ARHGAP19: variants seen among roughly 807,000 people sequenced by gnomAD.
The protein encoded by ARHGAP19 is rho GTPase-activating protein 19.
ARHGAP19 carries 48 observed loss-of-function variants against 60.9 expected under a neutral mutation model. The ratio of observed to expected loss-of-function variants is 0.79; its 90% CI spans 0.62 to 1.00. The LOEUF is 1.00. ARHGAP19 is among the 50% of genes least tolerant of loss of function. The pLI is 0.00. For missense variants in ARHGAP19, 562 were observed against 597.2 expected (o/e 0.94, Z 0.61); for synonymous variants, 209 against 215.5 (o/e 0.97, Z 0.27).
chr10:97,247,494 C>G (rs549159236), intron 6 of ARHGAP19, among the ~76,000 whole-genome samples: 30 of 152,278 alleles, frequency 2.0e-4, no homozygotes, highest in African/African-American at 7.2e-4. Context: ...CTACTGGTAA[C>G]ATATCCTGAG....
intron 3 of ARHGAP19, 129 bp from the exon 4 acceptor site, chr10:97,263,758 C>CT: frequency 1.2e-6 from 1 of 864,512 alleles, no homozygotes; most frequent in Non-Finnish European, 1.8e-6. Flanking sequence ...AAGTTTTTGC[C>CT]TTTTTTCACC....
intron 9 of ARHGAP19, among the ~76,000 whole-genome samples, chr10:97,233,666 G>A (rs968291902): frequency 2.0e-5 from 3 of 152,070 alleles, no homozygotes; most frequent in African/African-American, 7.2e-5. Flanking sequence ...TCACGAGTTC[G>A]AGACCAGCCT....
chr10:97,281,644 T>C (rs1424503892), intron 1 of ARHGAP19, among the ~76,000 whole-genome samples: 1 of 152,182 alleles, frequency 6.6e-6, no homozygotes, highest in Admixed American at 6.5e-5. Flanking sequence ...AAGGTAAGTC[T>C]CTGGCCTCCA....
Position 97,292,604 on chromosome 10 carries a change from T to C in ARHGAP19, c.24A>G (p.Glu8=). 6.2e-7 allele frequency: 1 copy of C among 1,614,192 alleles called. No individual in the cohort carries two copies. Among genetic ancestry groups the C allele is most frequent in the Non-Finnish European group, 8.5e-7 (1 of 1,180,036 alleles). ...CGGATTCGCGGGCTGGCACCTCCCC[T>C]TCACTCTGTGCCTCAGTCGCCATCT... MATEAQS[E]GEVPARESGR... The change falls in exon 1 of 12, where the codon GAA becomes GAG. Residue 8 remains glutamate, a synonymous_variant. Transcript: ENST00000358531.
At position 97,268,412 on chromosome 10, in the gene ARHGAP19, C is replaced by A. The variant is rs539091581; in HGVS notation, c.57-2287G>T. Reference sequence around the variant, plus strand: ...TTACTCAGTTCAAAAGTCGCTTCCACATTTTCAGGTATCCTTACAGTAGTA... The same window carrying A: ...TTACTCAGTTCAAAAGTCGCTTCCAAATTTTCAGGTATCCTTACAGTAGTA... On this transcript the variant is annotated intron_variant, in intron 1 of 11. Coordinates refer to ENST00000358531, the MANE Select transcript of ARHGAP19 (RefSeq NM_032900.6). Among the ~76,000 whole-genome samples, 107 of 152,344 alleles carry A rather than the reference C, an allele frequency of 7.0e-4. 1 individual carries two copies. The South Asian group carries it at 0.022, about 31-fold the overall frequency.
chr10:97,228,963 C>A, intron 11 of ARHGAP19, 184 bp downstream of exon 11: 3 of 702,730 alleles, frequency 4.3e-6, no homozygotes, highest in Non-Finnish European at 7.8e-6. Context: ...GCACCCAAGA[C>A]AATGCTGAGT....
chr10:97,272,051 C>A (rs1281102103), intron 1 of ARHGAP19, among the ~76,000 whole-genome samples: 1 of 147,704 alleles, frequency 6.8e-6, no homozygotes, highest in Non-Finnish European at 1.5e-5. Context: ...TGAGATTGGT[C>A]TTAAATTTTC....
intron 9 of ARHGAP19, among the ~76,000 whole-genome samples, chr10:97,234,083 A>G (rs1851082641): frequency 6.6e-6 from 1 of 151,976 alleles, no homozygotes; most frequent in Admixed American, 6.6e-5. Flanking sequence ...CCTGGCCGAC[A>G]TGGTGAAACC....
intron 6 of ARHGAP19, among the ~76,000 whole-genome samples, chr10:97,256,057 G>A (rs1842748471): frequency 6.6e-6 from 1 of 152,098 alleles, no homozygotes. Flanking sequence ...TAGCTGCCAC[G>A]TGTGCTGCCT....
At chr10:97,282,166 T>C (rs1368429596) in intron 1 of ARHGAP19, among the ~76,000 whole-genome samples, 9 of 152,142 alleles carry the variant, frequency 5.9e-5, no homozygotes, top group African/African-American at 1.2e-4. Context: ...AACTGAAACA[T>C]TCTATTCCCT....
chr10:97,289,852 TA>T (rs11304186), intron 1 of ARHGAP19, among the ~76,000 whole-genome samples: 16,249 of 124,084 alleles, frequency 0.13, 1,100 homozygotes, highest in African/African-American at 0.23. Flanking sequence ...AGCCCTGTGT[TA>T]AAAAAAAAAA....
intron 1 of ARHGAP19, among the ~76,000 whole-genome samples, chr10:97,290,840 G>A (rs1843221470): frequency 6.6e-6 from 1 of 152,022 alleles, no homozygotes; most frequent in South Asian, 2.1e-4. Flanking sequence ...AATCTCAACT[G>A]CACAACCCCT....
chr10:97,290,217 C>T (rs1843212600), intron 1 of ARHGAP19, among the ~76,000 whole-genome samples: 1 of 152,170 alleles, frequency 6.6e-6, no homozygotes. Context: ...AGCTTTTGCT[C>T]GCCCTCTACC....
chr10:97,256,072 G>GA (rs980016511), intron 6 of ARHGAP19, among the ~76,000 whole-genome samples: 4 of 152,212 alleles, frequency 2.6e-5, no homozygotes, highest in African/African-American at 9.6e-5. Context: ...CTGCCTTTGT[G>GA]AAAAAGGAAG....
intron 6 of ARHGAP19, among the ~76,000 whole-genome samples, chr10:97,247,324 G>C (rs538679754): frequency 5.9e-5 from 9 of 152,038 alleles, no homozygotes; most frequent in African/African-American, 2.2e-4. Context: ...AAGAAAGAAA[G>C]AAATACCATT....
intron 4 of ARHGAP19, among the ~76,000 whole-genome samples, chr10:97,261,816 A>G (rs1035106241): frequency 6.6e-6 from 1 of 152,198 alleles, no homozygotes; most frequent in African/African-American, 2.4e-5. Context: ...TGCTGTGAAC[A>G]CTTAGAGCCC....
chr10:97,229,126 G>A, intron 11 of ARHGAP19, 21 bp downstream of exon 11: 1 of 1,593,484 alleles, frequency 6.3e-7, no homozygotes, highest in African/African-American at 1.3e-5. Context: ...AGTAAGAACA[G>A]AGAGTAAGTA....
intron 6 of ARHGAP19, among the ~76,000 whole-genome samples, chr10:97,248,227 C>A (rs901749328): frequency 2.6e-5 from 4 of 152,002 alleles, no homozygotes; most frequent in African/African-American, 9.7e-5. Flanking sequence ...CCAGCCTGGG[C>A]AACATGGTGA....
chr10:97,282,591 C>T (rs1207541276), intron 1 of ARHGAP19, among the ~76,000 whole-genome samples: 1 of 152,126 alleles, frequency 6.6e-6, no homozygotes, highest in Admixed American at 6.6e-5. Flanking sequence ...CCTTCTGTAT[C>T]TTCCCCTTCA....
Sources: allele counts gnomAD v4.1 joint callset (sites outside exome capture counted in the v4.1 genomes callset), GRCh38; gene constraint gnomAD v4.1.1; transcripts MANE v1.5; gene names NCBI Gene and HGNC (gene_info 2026-07-23, HGNC 2026-07-21).